CSMD1: variants seen among roughly 807,000 people sequenced by gnomAD.
CSMD1 encodes the protein CUB and sushi domain-containing protein 1.
In CSMD1, 213 loss-of-function variants were observed where a neutral mutation model predicts 417.5. That is an observed-to-expected ratio of 0.51 (90% CI 0.46 to 0.57). The LOEUF is 0.57. Among genes scored for constraint, CSMD1 ranks in the 20% least tolerant of loss-of-function variants. The probability of loss-of-function intolerance (pLI) is 0.00; values close to 1 mark genes in which losing one functional copy is unlikely to be tolerated. For missense variants in CSMD1, 6,923 were observed against 4,529.7 expected (o/e 1.53, Z -15.17); for synonymous variants, 2,862 against 1,736.8 (o/e 1.65, Z -16.11).
chr8:4,697,054 C>T (rs1039533124), intron 1 of CSMD1, among the ~76,000 whole-genome samples: 5 of 152,088 alleles, frequency 3.3e-5, no homozygotes, highest in Admixed American at 2.0e-4. Context: ...TGCCTGTAAT[C>T]CCAGCTACTC....
intron 5 of CSMD1, among the ~76,000 whole-genome samples, chr8:3,775,021 CAGG>C (rs1749080316): frequency 6.6e-6 from 1 of 151,986 alleles, no homozygotes; most frequent in African/African-American, 2.4e-5. Context: ...AAGCAGGATA[CAGG>C]AGATTTCATC....
At chr8:3,189,886 G>A in intron 34 of CSMD1, 26 bp downstream of exon 34, 1 of 1,546,238 alleles carries the variant, frequency 6.5e-7, no homozygotes, top group Non-Finnish European at 8.7e-7. Context: ...AGTTCTGGCG[G>A]GCAGCCGCTT....
chr8:4,449,099 G>C (rs985707465), intron 2 of CSMD1, among the ~76,000 whole-genome samples: 10 of 152,280 alleles, frequency 6.6e-5, no homozygotes, highest in African/African-American at 2.2e-4. Context: ...AATAGCTTAA[G>C]AGATTTGCAA....
At chr8:4,724,492 T>A in intron 1 of CSMD1, among the ~76,000 whole-genome samples, 1 of 150,726 alleles carries the variant, frequency 6.6e-6, no homozygotes, top group East Asian at 2.0e-4. Flanking sequence ...TCTTTATAAG[T>A]ACTAATATAG....
chr8:4,846,584 C>G (rs145538030), intron 1 of CSMD1, among the ~76,000 whole-genome samples: 5 of 152,164 alleles, frequency 3.3e-5, no homozygotes, highest in African/African-American at 4.8e-5. Flanking sequence ...TTTTCTACCC[C>G]CTGTAGGAGG....
At chr8:4,380,470 G>A (rs1232062723) in intron 3 of CSMD1, among the ~76,000 whole-genome samples, 1 of 152,122 alleles carries the variant, frequency 6.6e-6, no homozygotes, top group Non-Finnish European at 1.5e-5. Flanking sequence ...CCAATCTGTC[G>A]AGGTCATCAA....
At chr8:3,657,857 G>C (rs1282060667) in intron 7 of CSMD1, among the ~76,000 whole-genome samples, 1 of 152,098 alleles carries the variant, frequency 6.6e-6, no homozygotes, top group Non-Finnish European at 1.5e-5. Context: ...TAATAAAAGA[G>C]AAACTATAAA....
intron 12 of CSMD1, among the ~76,000 whole-genome samples, chr8:3,416,352 A>T (rs1813151618): frequency 1.3e-5 from 2 of 151,932 alleles, no homozygotes; most frequent in South Asian, 4.1e-4. Context: ...AGTTTAGAAA[A>T]CTGGCCCTTT....
chr8:4,068,108 C>T (rs1011010092), intron 3 of CSMD1, among the ~76,000 whole-genome samples: 1 of 151,952 alleles, frequency 6.6e-6, no homozygotes, highest in Non-Finnish European at 1.5e-5. Context: ...AAAAGGGACA[C>T]AACAGTGAGT....
chr8:4,133,120 T>C (rs1221448195), intron 3 of CSMD1, among the ~76,000 whole-genome samples: 1 of 152,094 alleles, frequency 6.6e-6, no homozygotes, highest in Admixed American at 6.5e-5. Flanking sequence ...GTATTTTTAG[T>C]AGAGAAGGGG....
chr8:2,996,912 G>C (rs545181223), intron 54 of CSMD1, among the ~76,000 whole-genome samples: 204 of 152,310 alleles, frequency 1.3e-3, no homozygotes, highest in African/African-American at 4.6e-3. Flanking sequence ...TATTTTTGGA[G>C]GGAGACCATG....
chr8:3,236,952 T>C (rs1405012804), intron 26 of CSMD1, among the ~76,000 whole-genome samples: 1 of 152,014 alleles, frequency 6.6e-6, no homozygotes, highest in Non-Finnish European at 1.5e-5. Context: ...CACAGGCCCA[T>C]TGGCCTCTGA....
chr8:4,183,666 C>G (rs1373961599), intron 3 of CSMD1, among the ~76,000 whole-genome samples: 3 of 152,038 alleles, frequency 2.0e-5, no homozygotes, highest in Admixed American at 1.3e-4. Flanking sequence ...AAATACTTAA[C>G]AAAAATAATT....
intron 3 of CSMD1, among the ~76,000 whole-genome samples, chr8:4,379,659 T>C (rs1455823600): frequency 2.0e-5 from 3 of 151,316 alleles, no homozygotes; most frequent in Non-Finnish European, 4.4e-5. Flanking sequence ...GGACTTTTTT[T>C]GAAATTAGTT....
At chr8:3,921,016 G>C (rs563608665) in intron 5 of CSMD1, among the ~76,000 whole-genome samples, 8 of 152,214 alleles carry the variant, frequency 5.3e-5, no homozygotes, top group African/African-American at 1.4e-4. Context: ...CTCTTCTTCA[G>C]GTTTCCGAAA....
chr8:3,330,245 G>A (rs1177668601), intron 23 of CSMD1, among the ~76,000 whole-genome samples: 2 of 152,118 alleles, frequency 1.3e-5, no homozygotes, highest in Non-Finnish European at 2.9e-5. Context: ...AAAACAACTT[G>A]CCTATACTCA....
intron 3 of CSMD1, among the ~76,000 whole-genome samples, chr8:4,319,582 A>C (rs965305465): frequency 2.6e-5 from 4 of 152,210 alleles, no homozygotes; most frequent in African/African-American, 9.7e-5. Flanking sequence ...GTTGAATAAC[A>C]GGAAATACAG....
At chr8:3,399,131 T>C (rs1325595459) in intron 16 of CSMD1, among the ~76,000 whole-genome samples, 1 of 152,098 alleles carries the variant, frequency 6.6e-6, no homozygotes, top group Non-Finnish European at 1.5e-5. Context: ...CAGAGTCAGA[T>C]ACAAGGGTCG....
chr8:3,684,282 A>T (rs1171188354), intron 7 of CSMD1, among the ~76,000 whole-genome samples: 1 of 144,376 alleles, frequency 6.9e-6, no homozygotes, highest in South Asian at 2.1e-4. Flanking sequence ...GTTATATATT[A>T]TATATAATAT....
Sources: allele counts gnomAD v4.1 joint callset (sites outside exome capture counted in the v4.1 genomes callset), GRCh38; gene constraint gnomAD v4.1.1; transcripts MANE v1.5; gene names NCBI Gene and HGNC (gene_info 2026-07-23, HGNC 2026-07-21).